Variants in DTHD1 observed in about 807,000 individuals in gnomAD.
The protein encoded by DTHD1 is death domain-containing protein 1.
DTHD1 carries 59 observed loss-of-function variants against 74.8 expected under a neutral mutation model. That is an observed-to-expected ratio of 0.79 (90% CI 0.64 to 0.98). The LOEUF is 0.98. Among genes scored for constraint, DTHD1 ranks in the 50% least tolerant of loss-of-function variants. The pLI, the probability that DTHD1 is intolerant of heterozygous loss-of-function variation, is 0.00. For missense variants in DTHD1, 1,051 were observed against 1,065.4 expected (o/e 0.99, Z 0.19); for synonymous variants, 365 against 371.1 (o/e 0.98, Z 0.19).
chr4:36,309,722 A>G (rs187624809), intron 7 of DTHD1, among the ~76,000 whole-genome samples: 40 of 152,330 alleles, frequency 2.6e-4, no homozygotes, highest in African/African-American at 8.9e-4. Flanking sequence ...TGACACCAGT[A>G]ATGTATTACC....
intron 8 of DTHD1, among the ~76,000 whole-genome samples, chr4:36,335,693 G>T (rs538210881): frequency 1.3e-5 from 2 of 152,312 alleles, no homozygotes; most frequent in Admixed American, 1.3e-4. Context: ...GCCCCAAGGA[G>T]GGTTAAAAAC....
At chr4:36,296,508 G>C (rs138550169) in intron 5 of DTHD1, among the ~76,000 whole-genome samples, 3,676 of 152,172 alleles carry the variant, frequency 0.024, 59 homozygotes, top group Non-Finnish European at 0.036. Flanking sequence ...CAAAACATCA[G>C]CATGGTGATA....
At chr4:36,341,837 G>A (rs962678348) in intron 9 of DTHD1, among the ~76,000 whole-genome samples, 4 of 152,322 alleles carry the variant, frequency 2.6e-5, no homozygotes, top group Admixed American at 6.5e-5. Context: ...AGAGGTGACC[G>A]AATGACTGGG....
At chr4:36,324,778 G>C (rs1206861157) in intron 8 of DTHD1, among the ~76,000 whole-genome samples, 1 of 152,140 alleles carries the variant, frequency 6.6e-6, no homozygotes, top group East Asian at 1.9e-4. Context: ...AATAATAATT[G>C]AATACAACAA....
intron 2 of DTHD1, among the ~76,000 whole-genome samples, chr4:36,287,830 T>C (rs567152794): frequency 1.3e-5 from 2 of 152,154 alleles, no homozygotes; most frequent in East Asian, 3.9e-4. Flanking sequence ...TTTGATGGGA[T>C]TGTTTGTTTT....
intron 8 of DTHD1, among the ~76,000 whole-genome samples, chr4:36,328,474 G>A (rs1758480967): frequency 6.6e-6 from 1 of 152,168 alleles, no homozygotes; most frequent in South Asian, 2.1e-4. Context: ...AAAACCGTGT[G>A]TGTGTGTCCA....
rs781239997 is a variant in DTHD1 at position 36,285,654 on chromosome 4, A to AAT, written c.887+1066_887+1067dup. Among the ~76,000 whole-genome samples the AAT allele has an allele frequency of 6.3e-3, 954 of 151,388 alleles. 8 individuals are homozygous for AAT. The highest frequency in any genetic ancestry group is 0.022 in the African/African-American group (907 of 41,214). ...AACACGCTTAGAAGTGAAAAAAAAA[A>AAT]ATATGTGTTTTGGGCATCAGACAAA... On this transcript the variant is annotated intron_variant, in intron 2 of 9. Transcript: ENST00000639862.
At chr4:36,286,422 C>T (rs1755714397) in intron 2 of DTHD1, among the ~76,000 whole-genome samples, 1 of 152,186 alleles carries the variant, frequency 6.6e-6, no homozygotes, top group East Asian at 1.9e-4. Context: ...TGCAATCCCT[C>T]GGCCTAGGAA....
chr4:36,291,695 G>A (rs1756090491), intron 3 of DTHD1, among the ~76,000 whole-genome samples: 1 of 152,186 alleles, frequency 6.6e-6, no homozygotes, highest in Non-Finnish European at 1.5e-5. Flanking sequence ...GGGCCTGGTA[G>A]TGCATGTCTA....
At chr4:36,296,053 G>T (rs1219270338) in intron 5 of DTHD1, among the ~76,000 whole-genome samples, 1 of 151,982 alleles carries the variant, frequency 6.6e-6, no homozygotes, top group Non-Finnish European at 1.5e-5. Context: ...CTGAAATGTA[G>T]GTTTAAATAA....
At chr4:36,295,171 G>A (rs1437763572) in intron 5 of DTHD1, 132 bp downstream of exon 5, 1 of 1,162,188 alleles carries the variant, frequency 8.6e-7, no homozygotes, top group Non-Finnish European at 1.1e-6. Context: ...AATCTAGAAA[G>A]AAGATATTGT....
intron 1 of DTHD1, among the ~76,000 whole-genome samples, chr4:36,283,537 T>C (rs1291795097): frequency 6.6e-6 from 1 of 152,240 alleles, no homozygotes. Context: ...CCAAGCCTCA[T>C]CTGGAGTGTT....
At chr4:36,315,113 T>C (rs1757637631) in intron 7 of DTHD1, among the ~76,000 whole-genome samples, 1 of 152,246 alleles carries the variant, frequency 6.6e-6, no homozygotes, top group African/African-American at 2.4e-5. Context: ...TATAGCTTCC[T>C]ACAAATTTTA....
intron 6 of DTHD1, among the ~76,000 whole-genome samples, chr4:36,307,008 T>C (rs891477586): frequency 6.6e-6 from 1 of 152,196 alleles, no homozygotes; most frequent in African/African-American, 2.4e-5. Flanking sequence ...AGTATTTCTG[T>C]AGCCTGACAC....
chr4:36,329,796 T>G (rs1560815660), intron 8 of DTHD1, among the ~76,000 whole-genome samples: 1 of 152,216 alleles, frequency 6.6e-6, no homozygotes, highest in Non-Finnish European at 1.5e-5. Context: ...TGTTTTCACA[T>G]CTCCTTAACA....
At chr4:36,324,589 A>G (rs75392905) in intron 8 of DTHD1, among the ~76,000 whole-genome samples, 519 of 152,266 alleles carry the variant, frequency 3.4e-3, no homozygotes, top group African/African-American at 0.012. Context: ...GATGTATTAT[A>G]TCAGTCAACA....
intron 8 of DTHD1, among the ~76,000 whole-genome samples, chr4:36,320,435 G>A (rs181915730): frequency 1.6e-4 from 25 of 152,306 alleles, no homozygotes; most frequent in African/African-American, 4.6e-4. Context: ...ACTCAACCTT[G>A]AAATTGATAA....
chr4:36,290,284 G>A, intron 2 of DTHD1, 89 bp from the exon 3 acceptor site: 1 of 1,296,716 alleles, frequency 7.7e-7, no homozygotes. Context: ...CCAAGACAAT[G>A]TAGATCTAGA....
chr4:36,325,653 G>A (rs1758299983), intron 8 of DTHD1, among the ~76,000 whole-genome samples: 1 of 152,174 alleles, frequency 6.6e-6, no homozygotes, highest in African/African-American at 2.4e-5. Flanking sequence ...GAATGTGTGT[G>A]GGACTGGGTG....
Sources: allele counts gnomAD v4.1 joint callset (sites outside exome capture counted in the v4.1 genomes callset), GRCh38; gene constraint gnomAD v4.1.1; transcripts MANE v1.5; gene names NCBI Gene and HGNC (gene_info 2026-07-23, HGNC 2026-07-21).